KLHL41: variants seen among roughly 807,000 people sequenced by gnomAD.
KLHL41 encodes the protein kelch like family member 41.
Under a neutral mutation model 49.2 loss-of-function variants are expected in KLHL41, and 31 were observed. The observed-to-expected ratio is 0.63, with a 90% confidence interval of 0.47 to 0.85. KLHL41 has a LOEUF of 0.85. Ranked by LOEUF, KLHL41 falls within the 40% of genes least tolerant of loss-of-function variation. The pLI is 0.00. For missense variants in KLHL41, 663 were observed against 726.7 expected (o/e 0.91, Z 1.01); for synonymous variants, 218 against 258.5 (o/e 0.84, Z 1.50).
rs530632249 is a variant in KLHL41 at position 169,520,885 on chromosome 2, C to T, written c.1587C>T (p.Pro529=). Residue 529 remains proline, a synonymous_variant, in exon 5 of 6, where the codon CCC becomes CCT. Transcript: ENST00000284669. ...TNKWDVMTEF[P]QERSSISLVS... Reference sequence around the variant, plus strand: ...GATGGGATGTAATGACCGAATTTCCCCAAGAAAGAAGCTCCATCAGTTTGG... The same window carrying T: ...GATGGGATGTAATGACCGAATTTCCTCAAGAAAGAAGCTCCATCAGTTTGG... 5 of 1,612,540 alleles carry T rather than the reference C, an allele frequency of 3.1e-6. No individual in the cohort carries two copies. In the African/African-American group the frequency reaches 5.3e-5, roughly 17 times the overall value.
Position 169,516,125 on chromosome 2 carries a change from T to A in KLHL41, c.1376+1164T>A, listed in dbSNP as rs185777722. Reference sequence around the variant, plus strand: ...TTCTGCCCCTGAAAAATCTGCCTGATTTGGCTTGTCATCATTTGCCCAGGC... The same window carrying A: ...TTCTGCCCCTGAAAAATCTGCCTGAATTGGCTTGTCATCATTTGCCCAGGC... On this transcript the variant is annotated intron_variant, in intron 3 of 5. Coordinates refer to ENST00000284669, the MANE Select transcript of KLHL41 (RefSeq NM_006063.3). Among the ~76,000 whole-genome samples, 815 of 152,320 alleles carry A rather than the reference T, an allele frequency of 5.4e-3. 5 individuals carry two copies. Among genetic ancestry groups the A allele is most frequent in the Admixed American group, 7.3e-3 (111 of 15,298 alleles).
At position 169,510,935 on chromosome 2, in the gene KLHL41, TACTC is replaced by T. The variant is rs752179150; in HGVS notation, c.1110+50_1110+53del. ...TGTAGTTGCTTAAAGGGAAGGCTGT[TACTC>T]ACCATCCAGTTAGCCAATTTGTGAA... On this transcript the variant is annotated intron_variant, in intron 1 of 5. Coordinates refer to ENST00000284669, the MANE Select transcript of KLHL41 (RefSeq NM_006063.3). The surrounding 1 kb of genome is among the most constrained non-coding windows in gnomAD (Gnocchi z 4.2). 2.0e-6 allele frequency: 3 copies of T among 1,507,286 alleles called. No individual in the cohort carries two copies. The highest frequency in any genetic ancestry group is 1.4e-5 in the African/African-American group (1 of 72,232). 93.4% of individuals were successfully genotyped at this position (1,507,286 alleles called of 1,614,324 possible).
Position 169,510,162 on chromosome 2 carries a change from A to T in KLHL41, c.384A>T (p.Lys128Asn), listed in dbSNP as rs1480596661. Residue 128 changes from lysine to asparagine, a missense_variant, in exon 1 of 6, where the codon AAA becomes AAT. Lys to Asn is a moderately conservative substitution (Grantham distance 94). Coordinates refer to ENST00000284669, the MANE Select transcript of KLHL41 (RefSeq NM_006063.3). This position sits in a 1 kb window ranked among gnomAD's most constrained non-coding sequence, Gnocchi z 4.2. ...CTGTCTGCGTTTCTTATCTTCAGAA[A>T]AGACTTGCTCCTGGTAACTGTCTAG... The part of the protein sequence containing the change: ...VFTVCVSYLQ[K>N]RLAPGNCLAI... The T allele has an allele frequency of 6.2e-7, 1 of 1,614,146 alleles. No individual in the cohort carries two copies. Among genetic ancestry groups the T allele is most frequent in the Non-Finnish European group, 8.5e-7 (1 of 1,180,040 alleles).
chr2:169,515,633 A>G (rs1684105321), intron 3 of KLHL41, among the ~76,000 whole-genome samples: 1 of 152,232 alleles, frequency 6.6e-6, no homozygotes, highest in East Asian at 1.9e-4. Flanking sequence ...TCTTTAATGT[A>G]GTATTTAAAA....
At chr2:169,515,118 C>T (rs903016200) in intron 3 of KLHL41, among the ~76,000 whole-genome samples, 157 bp downstream of exon 3, 1 of 151,228 alleles carries the variant, frequency 6.6e-6, no homozygotes, top group African/African-American at 2.4e-5. Context: ...ACTGCAACCG[C>T]CGCCTCCTGG....
At chr2:169,522,617 C>A (rs1482952671) in intron 5 of KLHL41, among the ~76,000 whole-genome samples, 1 of 151,118 alleles carries the variant, frequency 6.6e-6, no homozygotes, top group Admixed American at 6.6e-5. Flanking sequence ...TTAAAATATA[C>A]CAGTGTCTGG....
intron 5 of KLHL41, among the ~76,000 whole-genome samples, chr2:169,521,340 A>G (rs555182361): frequency 1.0e-3 from 159 of 152,322 alleles, no homozygotes; most frequent in African/African-American, 3.4e-3. Context: ...TCTTTGCTCC[A>G]GAGTAGTTTA....
In KLHL41 at chr2:169,510,252, G is replaced by A. The variant is rs760506816; in HGVS notation, c.474G>A (p.Val158=). Residue 158 remains valine, a synonymous_variant, in exon 1 of 6, where the codon GTG becomes GTA. Coordinates refer to ENST00000284669, the MANE Select transcript of KLHL41 (RefSeq NM_006063.3). The surrounding 1 kb of genome is among the most constrained non-coding windows in gnomAD (Gnocchi z 4.2). ...PRLAISAREF[V]SDRFVQICKE... Reference sequence around the variant, plus strand: ...TCGCCATTTCTGCCCGTGAATTTGTGTCTGATCGCTTTGTACAGATTTGTA... The same window carrying A: ...TCGCCATTTCTGCCCGTGAATTTGTATCTGATCGCTTTGTACAGATTTGTA... The A allele has an allele frequency of 3.1e-6, 5 of 1,613,940 alleles. No individual in the cohort carries two copies. The highest frequency in any genetic ancestry group is 1.6e-4 in the Middle Eastern group (1 of 6,062).
chr2:169,523,311 G>C (rs1035780763), intron 5 of KLHL41, among the ~76,000 whole-genome samples: 4 of 152,022 alleles, frequency 2.6e-5, no homozygotes, highest in South Asian at 2.1e-4. Flanking sequence ...GAATCACCAG[G>C]GTGCTTCAAA....
intron 4 of KLHL41, among the ~76,000 whole-genome samples, chr2:169,519,654 T>A (rs1446560473): frequency 1.3e-5 from 2 of 150,626 alleles, no homozygotes; most frequent in African/African-American, 4.8e-5. Context: ...TCTCAAACTT[T>A]TTTTTTTTTT....
chr2:169,515,624 C>A (rs1684105161), intron 3 of KLHL41, among the ~76,000 whole-genome samples: 2 of 152,150 alleles, frequency 1.3e-5, no homozygotes, highest in Admixed American at 1.3e-4. Context: ...TGAAAGGTAT[C>A]TTTAATGTAG....
intron 5 of KLHL41, among the ~76,000 whole-genome samples, chr2:169,521,612 C>T (rs1189690378): frequency 3.9e-5 from 6 of 152,094 alleles, no homozygotes; most frequent in East Asian, 1.9e-4. Flanking sequence ...AGGCTGGTCT[C>T]GAACTCCTGA....
At chr2:169,511,597 A>C (rs1275446084) in intron 1 of KLHL41, among the ~76,000 whole-genome samples, 2 of 152,118 alleles carry the variant, frequency 1.3e-5, no homozygotes, top group African/African-American at 4.8e-5. Context: ...TCTCTTATTT[A>C]TGGTTACTGC....
intron 5 of KLHL41, among the ~76,000 whole-genome samples, chr2:169,523,233 A>G (rs1385827277): frequency 1.3e-5 from 2 of 152,192 alleles, no homozygotes; most frequent in Non-Finnish European, 2.9e-5. Flanking sequence ...AACCTAAAAG[A>G]GGGATCCTCT....
rs1684008595 is a variant in KLHL41 at position 169,510,154 on chromosome 2, C to T, written c.376C>T (p.Leu126Phe). ...PSVFTVCVSY[L>F]QKRLAPGNCL... Reference sequence around the variant, plus strand: ...AGTGTTTACTGTCTGCGTTTCTTATCTTCAGAAAAGACTTGCTCCTGGTAA... The same window carrying T: ...AGTGTTTACTGTCTGCGTTTCTTATTTTCAGAAAAGACTTGCTCCTGGTAA... Residue 126 changes from leucine to phenylalanine, a missense_variant, in exon 1 of 6, where the codon CTT becomes TTT. Around this residue, in one of 3 missense-constraint regions of KLHL41, gnomAD observed 528 missense variants for 581.0 expected, o/e 0.91. Transcript: ENST00000284669. This position sits in a 1 kb window ranked among gnomAD's most constrained non-coding sequence, Gnocchi z 4.2. The T allele has an allele frequency of 3.7e-6, 6 of 1,614,124 alleles. No individual in the cohort carries two copies. In the East Asian group the frequency reaches 1.3e-4, roughly 36 times the overall value.
intron 1 of KLHL41, among the ~76,000 whole-genome samples, chr2:169,511,928 C>T (rs3769771): frequency 0.1 from 15,180 of 152,070 alleles, 963 homozygotes; most frequent in Middle Eastern, 0.2. Flanking sequence ...TTGGCTTAAC[C>T]TTTGTCTTCC....
At position 169,510,647 on chromosome 2, in the gene KLHL41, G is replaced by C. The variant is rs774827735; in HGVS notation, c.869G>C (p.Gly290Ala). Residue 290 changes from glycine to alanine, a missense_variant, in exon 1 of 6, where the codon GGT becomes GCT. Transcript: ENST00000284669. The surrounding 1 kb of genome is among the most constrained non-coding windows in gnomAD (Gnocchi z 4.2). ...GDVGDEDLLP[G>A]YLNDIPRHGM... ...GTTGGTGATGAAGATTTACTTCCTG[G>C]TTACCTGAATGACATTCCCAGGCAT... The C allele has an allele frequency of 5.0e-6, 8 of 1,614,124 alleles. No individual in the cohort carries two copies. The highest frequency in any genetic ancestry group is 5.9e-6 in the Non-Finnish European group (7 of 1,180,016).
Position 169,525,565 on chromosome 2 carries a change from CT to C in KLHL41, c.1710-11del, listed in dbSNP as rs762591099. 1.6e-4 allele frequency: 231 copies of C among 1,421,628 alleles called. No homozygotes were observed. The highest frequency in any genetic ancestry group is 1.9e-4 in the Non-Finnish European group (191 of 1,008,834). The allele number at this position is 1,421,628 out of a possible 1,614,324, so 88.1% of individuals were successfully genotyped here. A position where few individuals can be genotyped will look rare whatever the true frequency, so the allele number is the denominator to read the frequency against. On this transcript the variant is annotated intron_variant, in intron 5 of 5. Transcript: ENST00000284669. Reference sequence around the variant, plus strand: ...TGGAACTAAAGCTGCTTATTGATTACTTTTTTTTTCCTCCATCAGGTATGAA... The same window carrying C: ...TGGAACTAAAGCTGCTTATTGATTACTTTTTTTTCCTCCATCAGGTATGAA...
At chr2:169,516,967 G>T (rs777345943) in intron 3 of KLHL41, among the ~76,000 whole-genome samples, 1 of 152,068 alleles carries the variant, frequency 6.6e-6, no homozygotes, top group Non-Finnish European at 1.5e-5. Flanking sequence ...AGCTGATATC[G>T]CGCCACTGCA....
Sources: allele counts gnomAD v4.1 joint callset (sites outside exome capture counted in the v4.1 genomes callset), GRCh38; gene constraint gnomAD v4.1.1; regional missense constraint gnomAD v4.1.1; non-coding constraint Gnocchi (gnomAD v3.1); transcripts MANE v1.5; gene names NCBI Gene and HGNC (gene_info 2026-07-23, HGNC 2026-07-21).